DTNB: variants seen among roughly 807,000 people sequenced by gnomAD.
DTNB encodes dystrobrevin beta, also known as DTN-B.
A neutral mutation model predicts 90.7 loss-of-function variants in DTNB; 63 were observed. That is an observed-to-expected ratio of 0.69 (90% CI 0.57 to 0.86). The LOEUF is 0.86. Ranked by LOEUF, DTNB falls within the 40% of genes least tolerant of loss-of-function variation. The pLI is 0.00. For missense variants in DTNB, 744 were observed against 807.1 expected (o/e 0.92, Z 0.95); for synonymous variants, 277 against 286.7 (o/e 0.97, Z 0.34).
intron 12 of DTNB, among the ~76,000 whole-genome samples, chr2:25,449,920 G>T (rs889144446): frequency 1.3e-5 from 2 of 151,788 alleles, no homozygotes; most frequent in East Asian, 3.9e-4. Context: ...ACACTGCCAC[G>T]CCCGGCTAAT....
chr2:25,577,128 A>G (rs2060805764), intron 7 of DTNB, 124 bp from the exon 8 acceptor site: 1 of 1,130,024 alleles, frequency 8.8e-7, no homozygotes, highest in African/African-American at 1.6e-5. Flanking sequence ...AACTAATATA[A>G]AAACAAAGGT....
At position 25,580,697 on chromosome 2, in the gene DTNB, T is replaced by C. The variant is rs372079839; in HGVS notation, c.709+24A>G. 3.1e-6 allele frequency: 5 copies of C among 1,592,530 alleles called. No individual in the cohort carries two copies. In the African/African-American group the frequency reaches 6.7e-5, roughly 21 times the overall value. On this transcript the variant is annotated intron_variant, in intron 7 of 20. Transcript: ENST00000406818. ...CCTATACTTTCTATAGCATGCGGAA[T>C]TGAACAATAAAAGTTCTGCTTACCA...
rs137982132 is a variant in DTNB at position 25,652,532 on chromosome 2, T to TAAAA, written c.67+58_67+61dup. 4.6e-3 allele frequency: 5,781 copies of TAAAA among 1,265,102 alleles called. 6 individuals carry two copies. Among genetic ancestry groups the TAAAA allele is most frequent in the South Asian group, 5.1e-3 (316 of 61,772 alleles). 78.4% of individuals were successfully genotyped at this position (1,265,102 alleles called of 1,614,324 possible). ...AACTGATTAAAGCTATGACTTGATC[T>TAAAA]AAAAAAAAAAAAAAAACCACACAAA... On this transcript the variant is annotated intron_variant, in intron 2 of 20. Transcript: ENST00000406818.
chr2:25,579,156 G>T (rs1455922130), intron 7 of DTNB, among the ~76,000 whole-genome samples: 3 of 152,132 alleles, frequency 2.0e-5, no homozygotes, highest in Admixed American at 6.5e-5. Flanking sequence ...AATACAAAAT[G>T]ATCTTATGAA....
chr2:25,568,287 A>G (rs2059338830), intron 8 of DTNB, among the ~76,000 whole-genome samples: 1 of 152,240 alleles, frequency 6.6e-6, no homozygotes, highest in African/African-American at 2.4e-5. Context: ...ACTGAACTAT[A>G]CACTTAAAAA....
chr2:25,484,596 A>T (rs970335355), intron 9 of DTNB, among the ~76,000 whole-genome samples: 9 of 152,154 alleles, frequency 5.9e-5, no homozygotes, highest in African/African-American at 2.2e-4. Context: ...AGGGATTTTT[A>T]AAAATGATTT....
At chr2:25,558,932 T>G (rs1262276959) in intron 8 of DTNB, among the ~76,000 whole-genome samples, 3 of 152,138 alleles carry the variant, frequency 2.0e-5, no homozygotes, top group African/African-American at 4.8e-5. Context: ...CTAAGTCAGC[T>G]GTCGAATGGG....
At chr2:25,518,197 T>C (rs1312764581) in intron 9 of DTNB, among the ~76,000 whole-genome samples, 9 of 133,188 alleles carry the variant, frequency 6.8e-5, no homozygotes, top group Non-Finnish European at 1.5e-5. Context: ...GTTAATTTTA[T>C]ATTATTTTTT....
At position 25,387,389 on chromosome 2, in the gene DTNB, G is replaced by A; in HGVS notation, c.1736-11C>T. On this transcript the variant is annotated splice_polypyrimidine_tract_variant and intron_variant, in intron 17 of 20. Transcript: ENST00000406818. This position sits in a 1 kb window ranked among gnomAD's most constrained non-coding sequence, Gnocchi z 4.5. ...GGTTTCTCCTCGTACCTGAGGAGAG[G>A]CAGAGCAGATGGGGATGCCAGGGTG... 1 of 1,609,042 alleles carries A rather than the reference G, an allele frequency of 6.2e-7. No homozygotes were observed. The highest frequency in any genetic ancestry group is 8.5e-7 in the Non-Finnish European group (1 of 1,176,510).
At chr2:25,624,335 GTC>G (rs931240553) in intron 4 of DTNB, among the ~76,000 whole-genome samples, 1 of 152,200 alleles carries the variant, frequency 6.6e-6, no homozygotes, top group Non-Finnish European at 1.5e-5. Context: ...CTGAGGCTGT[GTC>G]ATGGGTGTCT....
At chr2:25,670,890 A>G (rs1047270075) in intron 1 of DTNB, among the ~76,000 whole-genome samples, 1 of 152,186 alleles carries the variant, frequency 6.6e-6, no homozygotes, top group Non-Finnish European at 1.5e-5. Flanking sequence ...ATTTTGTGCC[A>G]TCCCACTCTG....
At chr2:25,461,440 A>G (rs1184553146) in intron 10 of DTNB, among the ~76,000 whole-genome samples, 1 of 152,262 alleles carries the variant, frequency 6.6e-6, no homozygotes, top group Non-Finnish European at 1.5e-5. Context: ...ATACATATAT[A>G]CATAAATATG....
At chr2:25,557,084 C>T (rs1485999898) in intron 8 of DTNB, among the ~76,000 whole-genome samples, 1 of 152,134 alleles carries the variant, frequency 6.6e-6, no homozygotes, top group Non-Finnish European at 1.5e-5. Flanking sequence ...GGTTCCATGG[C>T]AGAACTGAAG....
intron 9 of DTNB, among the ~76,000 whole-genome samples, chr2:25,508,258 C>T (rs1194517201): frequency 6.6e-6 from 1 of 151,964 alleles, no homozygotes; most frequent in African/African-American, 2.4e-5. Flanking sequence ...TAAATATTTG[C>T]TGAATGACTG....
chr2:25,463,950 C>T (rs754426248), intron 10 of DTNB, among the ~76,000 whole-genome samples: 1 of 152,184 alleles, frequency 6.6e-6, no homozygotes, highest in Non-Finnish European at 1.5e-5. Flanking sequence ...GCCCAGGCTG[C>T]ACTGGAGTGC....
intron 10 of DTNB, among the ~76,000 whole-genome samples, chr2:25,478,259 G>C (rs1288224428): frequency 6.6e-6 from 1 of 152,146 alleles, no homozygotes; most frequent in Non-Finnish European, 1.5e-5. Context: ...ACCCAGGCCT[G>C]GTCCAGATGA....
intron 16 of DTNB, among the ~76,000 whole-genome samples, chr2:25,411,778 G>C (rs540450626): frequency 2.0e-5 from 3 of 152,146 alleles, no homozygotes; most frequent in Non-Finnish European, 4.4e-5. Flanking sequence ...ATTTGTGTAC[G>C]ATTTCTCTTT....
In DTNB at chr2:25,580,733, G is replaced by C; in HGVS notation, c.697C>G (p.His233Asp). 1 of 1,613,380 alleles carries C rather than the reference G, an allele frequency of 6.2e-7. No individual in the cohort carries two copies. The highest frequency in any genetic ancestry group is 8.5e-7 in the Non-Finnish European group (1 of 1,179,438). Residue 233 changes from histidine (H) to aspartate (D), a missense_variant, in exon 7 of 21, where the codon CAT becomes GAT. By Grantham distance (81) the His-to-Asp change is moderately conservative (BLOSUM62 -1). Coordinates refer to ENST00000406818, the MANE Select transcript of DTNB (RefSeq NM_021907.5). ...AAGTTCTGCTTACCATTCTCAACATGGGCAAGCCTGTGCATGAGAGGTAGC... is the reference window on the plus strand; with the variant it reads ...AAGTTCTGCTTACCATTCTCAACATCGGCAAGCCTGTGCATGAGAGGTAGC... ...VWLPLMHRLA[H>D]VENVFHPVEC...
intron 9 of DTNB, among the ~76,000 whole-genome samples, chr2:25,514,706 G>A (rs907116950): frequency 1.4e-4 from 15 of 108,778 alleles, no homozygotes; most frequent in African/African-American, 3.8e-4. Flanking sequence ...TTTTTTTGGT[G>A]GGGACAGAGT....
Sources: gnomAD v4.1 joint callset for allele counts (sites outside exome capture counted in the v4.1 genomes callset) on GRCh38, gnomAD v4.1.1 for gene constraint, Gnocchi (gnomAD v3.1) non-coding constraint, MANE v1.5 for transcripts, NCBI Gene and HGNC (gene_info 2026-07-23, HGNC 2026-07-21) for gene names.